Variants in AGMO observed in about 807,000 individuals in gnomAD.
AGMO encodes glyceryl-ether monooxygenase.
AGMO carries 75 observed loss-of-function variants against 60.2 expected under a neutral mutation model. The observed-to-expected ratio is 1.25, with a 90% CI of 1.03 to 1.51. The LOEUF is 1.51. Among genes scored for constraint, AGMO ranks in the 40% most tolerant of loss-of-function variants. The probability of loss-of-function intolerance (pLI) is 0.00; values close to 1 mark genes in which losing one functional copy is unlikely to be tolerated. For missense variants in AGMO, 763 were observed against 525.5 expected, an observed-to-expected ratio of 1.45 and a Z score of -4.42; for synonymous variants, 261 against 177.1, an observed-to-expected ratio of 1.47 and a Z score of -3.76.
intron 12 of AGMO, among the ~76,000 whole-genome samples, chr7:15,219,493 AT>A (rs568542336): frequency 0.046 from 6,882 of 149,832 alleles, 524 homozygotes; most frequent in African/African-American, 0.16. Flanking sequence ...AAAAAAGACA[AT>A]TTTTTTTTTT....
intron 12 of AGMO, among the ~76,000 whole-genome samples, chr7:15,327,920 G>A (rs1252986037): frequency 6.7e-6 from 1 of 150,026 alleles, no homozygotes; most frequent in Non-Finnish European, 1.5e-5. Context: ...TGTATGCCAT[G>A]TTGCCGGGCT....
chr7:15,431,042 G>T lies in AGMO; in HGVS notation c.476C>A (p.Ala159Glu). ...HSSEDYNLST[A>E]LRQSVLQIYT... ...TATCTGGAGGACAGACTGTCTCAGT[G>T]CTGTGGATAAGTTATAGTCTTCAGA... The change falls in exon 4 of 13, where the codon GCA (alanine) becomes GAA (glutamate). Residue 159 changes from alanine (A) to glutamate (E), a missense_variant. Coordinates refer to ENST00000342526, the MANE Select transcript of AGMO (RefSeq NM_001004320.2). 6.2e-7 allele frequency: 1 copy of T among 1,609,498 alleles called. No homozygotes were observed. The highest frequency in any genetic ancestry group is 8.5e-7 in the Non-Finnish European group (1 of 1,177,102).
At chr7:15,346,615 A>T (rs1782042047) in intron 12 of AGMO, among the ~76,000 whole-genome samples, 2 of 111,068 alleles carry the variant, frequency 1.8e-5, no homozygotes, top group Admixed American at 1.7e-4. Context: ...AATCTTAAAA[A>T]GTAAAAAAAA....
At chr7:15,377,886 G>C (rs1783517734) in intron 10 of AGMO, among the ~76,000 whole-genome samples, 1 of 152,000 alleles carries the variant, frequency 6.6e-6, no homozygotes, top group South Asian at 2.1e-4. Context: ...GGTGTGCACT[G>C]CCAAGCGTAA....
At chr7:15,316,776 A>G (rs1780939345) in intron 12 of AGMO, among the ~76,000 whole-genome samples, 1 of 152,248 alleles carries the variant, frequency 6.6e-6, no homozygotes, top group Non-Finnish European at 1.5e-5. Flanking sequence ...TACAAAGTAT[A>G]TTTCAGTGTA....
At position 15,379,248 on chromosome 7, in the gene AGMO, C is replaced by CA. The variant is rs1360048060; in HGVS notation, c.1074+6197dup. On this transcript the variant is annotated intron_variant, in intron 10 of 12. Transcript: ENST00000342526. ...GAGCAAAGAAATCCCAAAGCTATCA[C>CA]AAGACAATAACCAAAATCACAGCTG... 2.6e-5 allele frequency among the ~76,000 whole-genome samples: 4 copies of CA among 151,912 alleles called. No homozygotes were observed. In the South Asian group the frequency reaches 8.3e-4, roughly 32 times the overall value.
At chr7:15,557,923 T>C (rs550207226) in intron 2 of AGMO, among the ~76,000 whole-genome samples, 13 of 152,054 alleles carry the variant, frequency 8.5e-5, no homozygotes, top group Non-Finnish European at 1.8e-4. Context: ...AGGACTGTTA[T>C]GAGTAGTGGG....
intron 12 of AGMO, among the ~76,000 whole-genome samples, chr7:15,245,267 G>A (rs143778020): frequency 0.019 from 2,873 of 152,072 alleles, 43 homozygotes; most frequent in Non-Finnish European, 0.023. Context: ...TCCCAATGTC[G>A]TCATCACTAC....
intron 3 of AGMO, among the ~76,000 whole-genome samples, chr7:15,435,417 C>A (rs1562505996): frequency 6.6e-6 from 1 of 151,826 alleles, no homozygotes; most frequent in Non-Finnish European, 1.5e-5. Flanking sequence ...TATTTGACAG[C>A]CATTATAATA....
At chr7:15,303,162 TGGC>T (rs1780501137) in intron 12 of AGMO, among the ~76,000 whole-genome samples, 1 of 152,134 alleles carries the variant, frequency 6.6e-6, no homozygotes. Context: ...GATATTAAGA[TGGC>T]GGCACAGATG....
At chr7:15,120,671 A>T in the AGMO span, among the ~76,000 whole-genome samples, 1 of 152,148 alleles carries the variant, frequency 6.6e-6, no homozygotes, top group Non-Finnish European at 1.5e-5. Flanking sequence ...CACCCTCCAG[A>T]ACTGTAAAAA....
At chr7:15,295,436 T>A (rs1304897413) in intron 12 of AGMO, among the ~76,000 whole-genome samples, 1 of 152,042 alleles carries the variant, frequency 6.6e-6, no homozygotes, top group Non-Finnish European at 1.5e-5. Flanking sequence ...GAAATTGTGG[T>A]TTAATATATT....
At position 15,448,848 on chromosome 7, in the gene AGMO, A is replaced by G. The variant is rs569810534; in HGVS notation, c.410-17740T>C. Among the ~76,000 whole-genome samples the G allele has an allele frequency of 1.1e-4, 16 of 152,268 alleles. No individual in the cohort carries two copies. In the South Asian group the frequency reaches 1.7e-3, roughly 16 times the overall value. On this transcript the variant is annotated intron_variant, in intron 3 of 12. Transcript: ENST00000342526. ...CATAAATTGAAAAATTAAAATGTGT[A>G]GAGATCTGGGCAGGTACCTGAGATT...
At chr7:15,406,292 A>G (rs1185357925) in intron 5 of AGMO, among the ~76,000 whole-genome samples, 3 of 145,072 alleles carry the variant, frequency 2.1e-5, no homozygotes, top group African/African-American at 5.2e-5. Flanking sequence ...ATATGTGTGT[A>G]TATATATGGA....
At chr7:15,546,083 G>T (rs1328729742) in intron 2 of AGMO, among the ~76,000 whole-genome samples, 2 of 151,462 alleles carry the variant, frequency 1.3e-5, no homozygotes, top group Non-Finnish European at 2.9e-5. Flanking sequence ...CATTTTACTG[G>T]GTCTTTTAAA....
intron 12 of AGMO, among the ~76,000 whole-genome samples, chr7:15,279,050 T>C (rs1414853660): frequency 6.6e-6 from 1 of 152,088 alleles, no homozygotes; most frequent in East Asian, 1.9e-4. Flanking sequence ...TGGTGCTAGG[T>C]TGCTTGGGGA....
chr7:15,358,756 T>C (rs1222046143), intron 12 of AGMO, among the ~76,000 whole-genome samples: 1 of 152,192 alleles, frequency 6.6e-6, no homozygotes, highest in Non-Finnish European at 1.5e-5. Flanking sequence ...TGTCACCCAA[T>C]GCCAGCAAGA....
At chr7:15,451,724 A>G (rs1227424909) in intron 3 of AGMO, among the ~76,000 whole-genome samples, 1 of 152,220 alleles carries the variant, frequency 6.6e-6, no homozygotes, top group Non-Finnish European at 1.5e-5. Context: ...AAGGAGTTTA[A>G]TTGAGTTATG....
At chr7:15,533,814 T>C (rs1296279300) in intron 3 of AGMO, among the ~76,000 whole-genome samples, 1 of 152,158 alleles carries the variant, frequency 6.6e-6, no homozygotes, top group Non-Finnish European at 1.5e-5. Context: ...TTTGTTTAAC[T>C]CACAGTATAA....
Sources: gnomAD v4.1 joint callset for allele counts (sites outside exome capture counted in the v4.1 genomes callset) on GRCh38, gnomAD v4.1.1 for gene constraint, MANE v1.5 for transcripts, NCBI Gene and HGNC (gene_info 2026-07-23, HGNC 2026-07-21) for gene names.